The following NPSR1 variants were observed in gnomAD, a reference collection of about 807,000 sequenced individuals.
The protein encoded by NPSR1 is neuropeptide S receptor 1.
Under a neutral mutation model 46.9 loss-of-function variants are expected in NPSR1, and 48 were observed. The observed-to-expected ratio is 1.02, with a 90% confidence interval of 0.81 to 1.30. The LOEUF (loss-of-function observed/expected upper bound fraction) is 1.30. Ranked by LOEUF, NPSR1 falls within the 50% of genes most tolerant of loss-of-function variation. NPSR1 has a pLI of 0.00. For synonymous variants in NPSR1, 176 were observed against 168.1 expected (o/e 1.05, Z -0.36); for missense variants, 450 against 449.5 (o/e 1.00, Z -0.01).
chr7:34,799,676 A>G (rs1423480710), intron 3 of NPSR1, among the ~76,000 whole-genome samples: 1 of 146,158 alleles, frequency 6.8e-6, no homozygotes, highest in Non-Finnish European at 1.5e-5. Context: ...CAAAATAACC[A>G]GCTAACATCA....
chr7:34,766,483 G>T (rs1300011328), intron 2 of NPSR1, among the ~76,000 whole-genome samples: 1 of 151,992 alleles, frequency 6.6e-6, no homozygotes, highest in Non-Finnish European at 1.5e-5. Flanking sequence ...TAAACATATT[G>T]TAATACATTT....
At chr7:34,818,704 C>T (rs1789383993) in intron 4 of NPSR1, among the ~76,000 whole-genome samples, 1 of 152,212 alleles carries the variant, frequency 6.6e-6, no homozygotes, top group Non-Finnish European at 1.5e-5. Context: ...CAGCAAGGTA[C>T]TTGTACCAAA....
At chr7:34,784,473 T>C (rs1787370575) in intron 3 of NPSR1, among the ~76,000 whole-genome samples, 1 of 152,162 alleles carries the variant, frequency 6.6e-6, no homozygotes, top group African/African-American at 2.4e-5. Context: ...TCTGTTTATA[T>C]GCTGGATTAC....
At chr7:34,761,948 T>C (rs1786194193) in intron 2 of NPSR1, among the ~76,000 whole-genome samples, 1 of 152,174 alleles carries the variant, frequency 6.6e-6, no homozygotes, top group Non-Finnish European at 1.5e-5. Flanking sequence ...CTGATGCTTG[T>C]GCTTATGAGC....
intron 8 of NPSR1, among the ~76,000 whole-genome samples, chr7:34,872,192 G>T (rs1174822435): frequency 6.6e-6 from 1 of 151,946 alleles, no homozygotes; most frequent in Non-Finnish European, 1.5e-5. Context: ...GGCATGGCTT[G>T]CACCCTCTAG....
chr7:34,843,113 G>A (rs1164700397), intron 6 of NPSR1, among the ~76,000 whole-genome samples: 1 of 152,192 alleles, frequency 6.6e-6, no homozygotes, highest in Non-Finnish European at 1.5e-5. Flanking sequence ...CCCCAGCACA[G>A]TGGTGGAAGG....
intron 2 of NPSR1, among the ~76,000 whole-genome samples, chr7:34,691,257 C>G (rs375082147): frequency 6.6e-6 from 1 of 152,208 alleles, no homozygotes; most frequent in Non-Finnish European, 1.5e-5. Flanking sequence ...AAGAACAATA[C>G]TCATCATCAT....
At chr7:34,678,642 C>G (rs1198481870) in intron 1 of NPSR1, among the ~76,000 whole-genome samples, 2 of 151,912 alleles carry the variant, frequency 1.3e-5, no homozygotes, top group Admixed American at 1.3e-4. Context: ...TTGGCTAACA[C>G]AGTGAAACCC....
intron 5 of NPSR1, among the ~76,000 whole-genome samples, chr7:34,833,816 G>A (rs887751033): frequency 6.6e-6 from 1 of 152,156 alleles, no homozygotes; most frequent in Non-Finnish European, 1.5e-5. Context: ...TCTTGCAGCT[G>A]TGGGATTCAT....
intron 1 of NPSR1, among the ~76,000 whole-genome samples, chr7:34,661,878 G>C (rs1791469320): frequency 6.6e-6 from 1 of 152,164 alleles, no homozygotes; most frequent in Non-Finnish European, 1.5e-5. Flanking sequence ...GAATCTACCA[G>C]AAGTTTTCAA....
At chr7:34,865,278 C>A (rs191321516) in intron 8 of NPSR1, among the ~76,000 whole-genome samples, 1 of 151,846 alleles carries the variant, frequency 6.6e-6, no homozygotes, top group South Asian at 2.1e-4. Context: ...CCTATCCTGC[C>A]TGATACACCC....
chr7:34,806,860 A>C (rs1163449884), intron 3 of NPSR1, among the ~76,000 whole-genome samples: 1 of 152,110 alleles, frequency 6.6e-6, no homozygotes, highest in Non-Finnish European at 1.5e-5. Flanking sequence ...CTTTATATGA[A>C]TACAATCTGG....
At chr7:34,671,921 A>T (rs1366001455) in intron 1 of NPSR1, among the ~76,000 whole-genome samples, 3 of 152,176 alleles carry the variant, frequency 2.0e-5, no homozygotes, top group African/African-American at 7.2e-5. Context: ...TTTCTCAGAC[A>T]CTTTCCCTTT....
At chr7:34,717,756 G>A (rs148061547) in intron 2 of NPSR1, among the ~76,000 whole-genome samples, 234 of 152,304 alleles carry the variant, frequency 1.5e-3, no homozygotes, top group Non-Finnish European at 2.9e-3. Flanking sequence ...TTTGAGTGCC[G>A]CTCATCAGTG....
At position 34,792,719 on chromosome 7, in the gene NPSR1, A is replaced by T. The variant is rs144704099; in HGVS notation, c.384+14154A>T. On this transcript the variant is annotated intron_variant, in intron 3 of 8. Coordinates refer to ENST00000360581, the MANE Select transcript of NPSR1 (RefSeq NM_207172.2). ...TATATACGTATATATATATATTTAT[A>T]TATATATATATATATTAGCCAGGCA... is the stretch of plus-strand genomic sequence containing the variant. Among the ~76,000 whole-genome samples, 2 of 123,386 alleles carry T rather than the reference A, an allele frequency of 1.6e-5. 1 individual carries two copies. Among genetic ancestry groups the T allele is most frequent in the East Asian group, 4.7e-4 (2 of 4,300 alleles). 80.9% of individuals were successfully genotyped at this position (123,386 alleles called of 152,430 possible). A position where few individuals can be genotyped will look rare whatever the true frequency, so the allele number is the denominator to read the frequency against.
chr7:34,724,763 T>C (rs1784048151), intron 2 of NPSR1, among the ~76,000 whole-genome samples: 1 of 151,830 alleles, frequency 6.6e-6, no homozygotes, highest in Non-Finnish European at 1.5e-5. Flanking sequence ...AAATGGAGAG[T>C]GGTGATATAA....
chr7:34,828,953 C>T (rs1299443416), intron 5 of NPSR1, among the ~76,000 whole-genome samples: 1 of 152,160 alleles, frequency 6.6e-6, no homozygotes, highest in Non-Finnish European at 1.5e-5. Context: ...AGCACTATTA[C>T]CTTACTAAAT....
At chr7:34,674,375 G>A (rs575947450) in intron 1 of NPSR1, among the ~76,000 whole-genome samples, 2 of 152,114 alleles carry the variant, frequency 1.3e-5, no homozygotes, top group Non-Finnish European at 2.9e-5. Context: ...ATGTCTCTGT[G>A]TTACACTGTG....
intron 2 of NPSR1, among the ~76,000 whole-genome samples, chr7:34,756,414 A>G (rs1167777004): frequency 1.3e-5 from 2 of 152,208 alleles, no homozygotes; most frequent in East Asian, 3.8e-4. Flanking sequence ...CCGGCACTTG[A>G]GAATAATGGA....
Sources: allele counts gnomAD v4.1 joint callset (sites outside exome capture counted in the v4.1 genomes callset), GRCh38; gene constraint gnomAD v4.1.1; transcripts MANE v1.5; gene names NCBI Gene and HGNC (gene_info 2026-07-23, HGNC 2026-07-21).